Variants in PTBP2 observed in about 807,000 individuals in gnomAD.
PTBP2 encodes the protein polypyrimidine tract binding protein 2.
PTBP2 carries 13 observed loss-of-function variants against 61.4 expected under a neutral mutation model. The ratio of observed to expected loss-of-function variants is 0.21; its 90% CI spans 0.14 to 0.34. The LOEUF is 0.34. Ranked by LOEUF, PTBP2 falls within the 10% of genes least tolerant of loss-of-function variation. The pLI is 1.00. For missense variants in PTBP2, 405 were observed against 642.6 expected (o/e 0.63, Z 4.00); for synonymous variants, 215 against 218.5 (o/e 0.98, Z 0.14).
intron 11 of PTBP2, among the ~76,000 whole-genome samples, chr1:96,812,500 T>G (rs1662182120): frequency 6.6e-6 from 1 of 152,206 alleles, no homozygotes; most frequent in Admixed American, 6.5e-5. Flanking sequence ...ATCTGGATTT[T>G]CATTCTATGA....
chr1:96,730,065 C>A, intron 2 of PTBP2, among the ~76,000 whole-genome samples: 1 of 152,130 alleles, frequency 6.6e-6, no homozygotes, highest in African/African-American at 2.4e-5. Flanking sequence ...TCTGTTGAAT[C>A]CTTAGTGATG....
intron 5 of PTBP2, among the ~76,000 whole-genome samples, chr1:96,772,010 A>G (rs1203951897): frequency 6.6e-6 from 1 of 152,122 alleles, no homozygotes; most frequent in Non-Finnish European, 1.5e-5. Context: ...ACGCCAAGCA[A>G]GCAGTCAGGT....
intron 8 of PTBP2, among the ~76,000 whole-genome samples, chr1:96,799,294 C>CTT (rs373815292): frequency 0.014 from 1,305 of 92,118 alleles, 147 homozygotes; most frequent in African/African-American, 0.024. Context: ...ATAGATCAAG[C>CTT]TTTTTTTTTT....
chr1:96,791,829 T>TTTTTTGTTTTTTTTTTGTTTG (rs1227829597), intron 8 of PTBP2, among the ~76,000 whole-genome samples: 2 of 125,762 alleles, frequency 1.6e-5, no homozygotes, highest in African/African-American at 3.5e-5. Context: ...AGTTGTGCTT[T>TTTTTTGTTTTTTTTTTGTTTG]TTTTTTTTTT....
chr1:96,802,828 A>G (rs1661155417), intron 8 of PTBP2, among the ~76,000 whole-genome samples: 1 of 152,230 alleles, frequency 6.6e-6, no homozygotes, highest in Non-Finnish European at 1.5e-5. Context: ...TAACAATATA[A>G]TGACTACATC....
intron 8 of PTBP2, among the ~76,000 whole-genome samples, chr1:96,791,826 C>CTTTTT (rs1163642886): frequency 2.6e-4 from 17 of 66,112 alleles, no homozygotes; most frequent in African/African-American, 8.2e-4. Flanking sequence ...TGGAGTTGTG[C>CTTTTT]TTTTTTTTTT....
At chr1:96,775,890 TTAAA>T (rs1259436619) in intron 5 of PTBP2, among the ~76,000 whole-genome samples, 3 of 152,004 alleles carry the variant, frequency 2.0e-5, no homozygotes, top group African/African-American at 7.2e-5. Flanking sequence ...ATGAATAGTA[TTAAA>T]TAAAAGTATG....
At chr1:96,740,198 C>T (rs1037686354) in intron 2 of PTBP2, among the ~76,000 whole-genome samples, 6 of 152,102 alleles carry the variant, frequency 3.9e-5, no homozygotes, top group African/African-American at 1.4e-4. Flanking sequence ...AACAAAATAC[C>T]ATAGACTGAG....
In PTBP2 at chr1:96,810,970, GT is replaced by G. The variant is rs1046376781; in HGVS notation, c.1172-1734del. 1.4e-4 allele frequency among the ~76,000 whole-genome samples: 21 copies of G among 151,410 alleles called. 1 individual carries two copies. The East Asian group carries it at 3.3e-3, about 24-fold the overall frequency. ...TTCAGACTTGTGAGAAGATTGTTTT[GT>G]TTTTTTTCTGTGCTTAGCCTTGGCG... On this transcript the variant is annotated intron_variant, in intron 11 of 13. Transcript: ENST00000674951.
At chr1:96,805,874 C>G (rs1206352007) in intron 9 of PTBP2, among the ~76,000 whole-genome samples, 1 of 152,082 alleles carries the variant, frequency 6.6e-6, no homozygotes, top group South Asian at 2.1e-4. Context: ...TGCATGCTTT[C>G]CTTCCCTATG....
chr1:96,764,942 AC>A (rs1299855038), intron 3 of PTBP2, among the ~76,000 whole-genome samples: 2 of 152,318 alleles, frequency 1.3e-5, no homozygotes, highest in Admixed American at 1.3e-4. Context: ...GTTAATAGTT[AC>A]CTTTTACGGA....
intron 3 of PTBP2, 117 bp downstream of exon 3, chr1:96,751,617 AT>A: frequency 1.5e-6 from 1 of 682,490 alleles, no homozygotes; most frequent in Non-Finnish European, 2.5e-6. Flanking sequence ...GTGTTGAAAC[AT>A]TTTAGAGTAA....
intron 3 of PTBP2, among the ~76,000 whole-genome samples, chr1:96,757,891 A>G (rs1490333148): frequency 6.6e-6 from 1 of 152,126 alleles, no homozygotes; most frequent in Non-Finnish European, 1.5e-5. Flanking sequence ...TTTGTTGGAT[A>G]CTACCCAAGG....
intron 7 of PTBP2, among the ~76,000 whole-genome samples, chr1:96,779,620 G>A (rs539095979): frequency 6.6e-6 from 1 of 152,118 alleles, no homozygotes; most frequent in South Asian, 2.1e-4. Flanking sequence ...TATGCACTCA[G>A]GTCTTCTTGA....
intron 2 of PTBP2, among the ~76,000 whole-genome samples, chr1:96,736,940 A>G (rs1169485417): frequency 2.6e-5 from 4 of 151,808 alleles, no homozygotes; most frequent in Non-Finnish European, 5.9e-5. Context: ...TTAGCCTTGC[A>G]AAGTGCTGGG....
chr1:96,723,662 C>G, intron 2 of PTBP2, 68 bp downstream of exon 2: 2 of 1,416,300 alleles, frequency 1.4e-6, no homozygotes, highest in Non-Finnish European at 1.9e-6. Flanking sequence ...AAAATTTTAG[C>G]TTTTGCTTTT....
chr1:96,746,485 G>A (rs1653781178), intron 2 of PTBP2, among the ~76,000 whole-genome samples: 1 of 151,904 alleles, frequency 6.6e-6, no homozygotes, highest in African/African-American at 2.4e-5. Flanking sequence ...TCTGTTAAAT[G>A]CCTATTTGTG....
intron 3 of PTBP2, among the ~76,000 whole-genome samples, chr1:96,761,965 C>G (rs1557721510): frequency 6.6e-6 from 1 of 151,642 alleles, no homozygotes; most frequent in Admixed American, 6.6e-5. Flanking sequence ...TGCCTTCAAG[C>G]ATCTGTTTAA....
At chr1:96,806,544 G>C in intron 10 of PTBP2, 92 bp downstream of exon 10, 1 of 1,359,982 alleles carries the variant, frequency 7.4e-7, no homozygotes, top group South Asian at 1.2e-5. Context: ...GCTTAAAGTT[G>C]AATAGTAAAT....
Sources: allele counts gnomAD v4.1 joint callset (sites outside exome capture counted in the v4.1 genomes callset), GRCh38; gene constraint gnomAD v4.1.1; transcripts MANE v1.5; gene names NCBI Gene and HGNC (gene_info 2026-07-23, HGNC 2026-07-21).